ADK: variants seen among roughly 807,000 people sequenced by gnomAD.
The protein encoded by ADK is N6,N6-dimethyladenosine kinase.
In ADK, 24 loss-of-function variants were observed where a neutral mutation model predicts 44.7. That is an observed-to-expected ratio of 0.54 (90% confidence interval 0.39 to 0.76). ADK has a LOEUF of 0.76. ADK is among the 30% of genes least tolerant of loss of function. The pLI, the probability that ADK is intolerant of heterozygous loss-of-function variation, is 0.00. For missense variants in ADK, 321 were observed against 425.1 expected, an observed-to-expected ratio of 0.76 and a Z score of 2.15; for synonymous variants, 128 against 142.6, an observed-to-expected ratio of 0.90 and a Z score of 0.73.
chr10:74,328,352 C>T (rs887081951), intron 4 of ADK, among the ~76,000 whole-genome samples: 1 of 151,726 alleles, frequency 6.6e-6, no homozygotes, highest in African/African-American at 2.4e-5. Flanking sequence ...ACTATGCTTA[C>T]AATAGGCCGA....
chr10:74,377,733 G>A (rs1000329219), intron 4 of ADK, among the ~76,000 whole-genome samples: 1 of 152,150 alleles, frequency 6.6e-6, no homozygotes, highest in African/African-American at 2.4e-5. Context: ...CTTTTCCAGG[G>A]CTGGTGTTTG....
chr10:74,467,486 G>T (rs1013179534), intron 6 of ADK, among the ~76,000 whole-genome samples: 5 of 152,018 alleles, frequency 3.3e-5, no homozygotes, highest in Non-Finnish European at 4.4e-5. Context: ...CCAGTTATTA[G>T]TACTTAGAAT....
At chr10:74,376,576 GAATGGTCTCAAAA>G (rs1842825685) in intron 4 of ADK, among the ~76,000 whole-genome samples, 1 of 152,002 alleles carries the variant, frequency 6.6e-6, no homozygotes, top group Non-Finnish European at 1.5e-5. Flanking sequence ...GATTGCCTGA[GAATGGTCTCAAAA>G]AACCCACCAT....
At chr10:74,192,674 G>C (rs1842993625) in intron 1 of ADK, among the ~76,000 whole-genome samples, 1 of 152,024 alleles carries the variant, frequency 6.6e-6, no homozygotes, top group African/African-American at 2.4e-5. Flanking sequence ...GTAGAGACAT[G>C]CACAACTGCA....
chr10:74,319,242 T>G (rs1840731820), intron 4 of ADK, among the ~76,000 whole-genome samples: 1 of 152,228 alleles, frequency 6.6e-6, no homozygotes, highest in Admixed American at 6.5e-5. Context: ...AATATTAGTT[T>G]GCTAGGGCAG....
chr10:74,501,513 A>G (rs1847883208), intron 6 of ADK, among the ~76,000 whole-genome samples: 1 of 152,192 alleles, frequency 6.6e-6, no homozygotes, highest in African/African-American at 2.4e-5. Context: ...ATATCCCTTT[A>G]AATCTTTTTT....
At chr10:74,278,945 T>G (rs1297977966) in intron 3 of ADK, among the ~76,000 whole-genome samples, 10 of 152,238 alleles carry the variant, frequency 6.6e-5, no homozygotes, top group Non-Finnish European at 1.0e-4. Context: ...ACATAATGAT[T>G]TTTGATTTTT....
In ADK at chr10:74,224,080, C is replaced by G. The variant is rs191621211; in HGVS notation, c.141-458C>G. Among the ~76,000 whole-genome samples the G allele has an allele frequency of 2.0e-5, 3 of 151,908 alleles. No homozygotes were observed. The South Asian group carries it at 6.2e-4, about 32-fold the overall frequency. ...GTGACAGAGTGAGACTCTATCTCAA[C>G]AAATAAACAAACAAACAAAAAACAC... On this transcript the variant is annotated intron_variant, in intron 2 of 10. Coordinates refer to ENST00000539909, the MANE Select transcript of ADK (RefSeq NM_006721.4).
At chr10:74,587,235 A>T (rs779133825) in intron 7 of ADK, among the ~76,000 whole-genome samples, 29 of 152,172 alleles carry the variant, frequency 1.9e-4, no homozygotes, top group Admixed American at 1.3e-4. Context: ...CCTTGATATC[A>T]CCGCCAGCAA....
In ADK at chr10:74,283,782, G is replaced by A. The variant is rs145390791; in HGVS notation, c.195-30885G>A. 6.5e-3 allele frequency among the ~76,000 whole-genome samples: 974 copies of A among 149,630 alleles called. 7 individuals carry two copies. Among genetic ancestry groups the A allele is most frequent in the Middle Eastern group, 0.031 (9 of 294 alleles). ...TGCAAGATCCGCCTCCTGAGTTCAC[G>A]CCATTCTCCTGCCTCAGCCTCCTGA... On this transcript the variant is annotated intron_variant, in intron 3 of 10. Coordinates refer to ENST00000539909, the MANE Select transcript of ADK (RefSeq NM_006721.4).
chr10:74,252,486 G>A (rs1219898475), intron 3 of ADK, among the ~76,000 whole-genome samples: 1 of 152,182 alleles, frequency 6.6e-6, no homozygotes, highest in East Asian at 1.9e-4. Context: ...TTGCATTACT[G>A]TTGAGACACA....
At chr10:74,646,239 A>G (rs1046912671) in intron 9 of ADK, among the ~76,000 whole-genome samples, 4 of 152,212 alleles carry the variant, frequency 2.6e-5, no homozygotes, top group Admixed American at 6.5e-5. Context: ...GTTGCATAAT[A>G]CAAAAATTTT....
At chr10:74,522,546 G>A (rs1335439323) in intron 6 of ADK, among the ~76,000 whole-genome samples, 1 of 152,002 alleles carries the variant, frequency 6.6e-6, no homozygotes, top group African/African-American at 2.4e-5. Context: ...CTTAAAAGAT[G>A]GACCCCAATA....
At chr10:74,340,092 G>A (rs1564662653) in intron 4 of ADK, among the ~76,000 whole-genome samples, 2 of 151,988 alleles carry the variant, frequency 1.3e-5, no homozygotes. Flanking sequence ...TACATAGGAG[G>A]GAATTTAAAC....
chr10:74,195,707 C>CT (rs71475265), intron 1 of ADK, among the ~76,000 whole-genome samples: 23,814 of 97,342 alleles, frequency 0.24, 3,383 homozygotes, highest in South Asian at 0.37. Flanking sequence ...TCTTTTCTTT[C>CT]TTTTTTTTTT....
At chr10:74,335,197 C>T (rs1554844087) in intron 4 of ADK, among the ~76,000 whole-genome samples, 1 of 152,168 alleles carries the variant, frequency 6.6e-6, no homozygotes, top group Non-Finnish European at 1.5e-5. Flanking sequence ...GCACTTTCTC[C>T]AATTTAGCCT....
chr10:74,655,777 C>G, intron 9 of ADK: 2 of 495,638 alleles, frequency 4.0e-6, no homozygotes, highest in Non-Finnish European at 7.9e-6. Flanking sequence ...GGCCACCCAC[C>G]TATCCAGGAC....
chr10:74,596,820 T>C (rs534964941), intron 8 of ADK, among the ~76,000 whole-genome samples: 2 of 152,348 alleles, frequency 1.3e-5, no homozygotes, highest in East Asian at 3.9e-4. Context: ...GTGCTGGGAT[T>C]ACAGGCATGA....
chr10:74,517,007 A>C (rs1304155632), intron 6 of ADK: 1 of 153,304 alleles, frequency 6.5e-6, no homozygotes, highest in Non-Finnish European at 1.4e-5. Flanking sequence ...AAACCGTCAG[A>C]TCTCGTGAGA....
Sources: gnomAD v4.1 joint callset for allele counts (sites outside exome capture counted in the v4.1 genomes callset) on GRCh38, gnomAD v4.1.1 for gene constraint, MANE v1.5 for transcripts, NCBI Gene and HGNC (gene_info 2026-07-23, HGNC 2026-07-21) for gene names.